PTPN13: variants seen among roughly 807,000 people sequenced by gnomAD.
The protein encoded by PTPN13 is tyrosine-protein phosphatase non-receptor type 13.
Under a neutral mutation model 284.0 loss-of-function variants are expected in PTPN13, and 191 were observed. The observed-to-expected ratio is 0.67, with a 90% CI of 0.60 to 0.76. The LOEUF is 0.76. Ranked by LOEUF, PTPN13 falls within the 30% of genes least tolerant of loss-of-function variation. The probability of loss-of-function intolerance (pLI) is 0.00; values close to 1 mark genes in which losing one functional copy is unlikely to be tolerated. For synonymous variants in PTPN13, 986 were observed against 1,022.3 expected (o/e 0.96, Z 0.68); for missense variants, 2,797 against 2,939.9 (o/e 0.95, Z 1.12).
intron 2 of PTPN13, among the ~76,000 whole-genome samples, chr4:86,641,420 G>C (rs974205815): frequency 1.3e-5 from 2 of 152,112 alleles, no homozygotes; most frequent in African/African-American, 2.4e-5. Flanking sequence ...TCCTATAAGA[G>C]GGGGCTGGAA....
chr4:86,677,273 C>A (rs1432013737), intron 3 of PTPN13, among the ~76,000 whole-genome samples: 1 of 151,076 alleles, frequency 6.6e-6, no homozygotes, highest in Non-Finnish European at 1.5e-5. Flanking sequence ...TCTCAAAAAA[C>A]AACAACAACA....
intron 42 of PTPN13, among the ~76,000 whole-genome samples, chr4:86,802,934 C>G (rs574125658): frequency 6.6e-6 from 1 of 151,682 alleles, no homozygotes; most frequent in Admixed American, 6.6e-5. Flanking sequence ...ATTACCCAGG[C>G]GTGGTGGTGC....
intron 1 of PTPN13, chr4:86,595,811 T>G (rs141924809): frequency 3.1e-6 from 3 of 954,658 alleles, no homozygotes; most frequent in Non-Finnish European, 3.7e-6. Context: ...ATTTTAAGAT[T>G]TTAAAATTTA....
intron 16 of PTPN13, among the ~76,000 whole-genome samples, chr4:86,742,742 C>G (rs1270054454): frequency 1.3e-5 from 2 of 152,336 alleles, no homozygotes; most frequent in Non-Finnish European, 1.5e-5. Flanking sequence ...CTGGGTTTAA[C>G]TTACCTTCCC....
intron 2 of PTPN13, among the ~76,000 whole-genome samples, chr4:86,665,157 A>G (rs1484234952): frequency 6.6e-6 from 1 of 152,208 alleles, no homozygotes; most frequent in Admixed American, 6.5e-5. Flanking sequence ...CTAATTGATC[A>G]GTAGCCATAC....
chr4:86,749,564 TTTG>T (rs2149202603), intron 17 of PTPN13, among the ~76,000 whole-genome samples: 1 of 152,350 alleles, frequency 6.6e-6, no homozygotes, highest in East Asian at 1.9e-4. Context: ...CTGCATTGCT[TTTG>T]TTATTAGCCT....
intron 7 of PTPN13, among the ~76,000 whole-genome samples, chr4:86,714,996 A>C (rs1006971523): frequency 6.6e-6 from 1 of 152,138 alleles, no homozygotes; most frequent in Admixed American, 6.5e-5. Context: ...GGCTTCCTTT[A>C]AAGGTTAAGG....
chr4:86,668,145 A>G (rs1453318071), intron 2 of PTPN13, among the ~76,000 whole-genome samples: 1 of 152,180 alleles, frequency 6.6e-6, no homozygotes, highest in Non-Finnish European at 1.5e-5. Flanking sequence ...TAATCATTAG[A>G]CTACTGGAAT....
Position 86,686,776 on chromosome 4 carries a change from G to A in PTPN13, c.360+1G>A. ...TGATTATGAAGTGCCTCAGAGCCAA[G>A]TAAGTTAAGTTTTTACAGTTGTTAT... is the stretch of plus-strand genomic sequence containing the variant. On this transcript the variant is annotated splice_donor_variant, in intron 4 of 47. Coordinates refer to ENST00000411767, the MANE Select transcript of PTPN13 (RefSeq NM_080683.3). LOFTEE classifies it high-confidence loss of function. 6.4e-7 allele frequency: 1 copy of A among 1,560,546 alleles called. No individual in the cohort carries two copies. Among genetic ancestry groups the A allele is most frequent in the Non-Finnish European group, 8.7e-7 (1 of 1,148,104 alleles).
intron 1 of PTPN13, among the ~76,000 whole-genome samples, chr4:86,606,857 A>G (rs1394711590): frequency 6.6e-6 from 1 of 151,916 alleles, no homozygotes; most frequent in Admixed American, 6.6e-5. Context: ...TAGCCATATC[A>G]TCTGAAGGAT....
chr4:86,758,763 C>A lies in PTPN13; in HGVS notation c.3399C>A (p.Asp1133Glu), dbSNP rs1179423529. Residue 1133 changes from aspartate (D) to glutamate (E), a missense_variant, in exon 22 of 48, where the codon GAC becomes GAA. By Grantham distance (45) the Asp-to-Glu change is conservative. Transcript: ENST00000411767. The stretch of plus-strand genomic sequence containing the variant: ...CAGTTGCCCCTGGAGGACCAGCTGA[C>A]TTGGATGGATGCTTGAAGCCAGGTA... Reference protein sequence around the residue: ...ISSVAPGGPADLDGCLKPGDR... With the variant: ...ISSVAPGGPAELDGCLKPGDR... 1 of 1,613,648 alleles carries A rather than the reference C, an allele frequency of 6.2e-7. No homozygotes were observed. Among genetic ancestry groups the A allele is most frequent in the Non-Finnish European group, 8.5e-7 (1 of 1,179,676 alleles).
At chr4:86,635,498 A>AAG in intron 2 of PTPN13, 127 bp downstream of exon 2, 1 of 1,367,380 alleles carries the variant, frequency 7.3e-7, no homozygotes, top group Non-Finnish European at 9.7e-7. Context: ...TATGAAAGGA[A>AAG]TACTTTCCTT....
At chr4:86,738,936 C>T (rs1253818639) in intron 15 of PTPN13, among the ~76,000 whole-genome samples, 1 of 152,186 alleles carries the variant, frequency 6.6e-6, no homozygotes, top group Non-Finnish European at 1.5e-5. Flanking sequence ...CTGCCTTGGC[C>T]TCCCAAAGTG....
At chr4:86,802,604 T>C (rs1744160930) in intron 42 of PTPN13, among the ~76,000 whole-genome samples, 1 of 152,228 alleles carries the variant, frequency 6.6e-6, no homozygotes, top group Non-Finnish European at 1.5e-5. Flanking sequence ...GTGCTAGGGC[T>C]GACTTTCCTG....
Position 86,786,505 on chromosome 4 carries a change from A to T in PTPN13, c.6345+569A>T, listed in dbSNP as rs78761160. On this transcript the variant is annotated intron_variant, in intron 40 of 47. Transcript: ENST00000411767. ...TTAAATATTTACAAATAATGTGTATATATACAAGGAAGCTTACGGCTGATA... is the reference window on the plus strand; with the variant it reads ...TTAAATATTTACAAATAATGTGTATTTATACAAGGAAGCTTACGGCTGATA... Among the ~76,000 whole-genome samples, 446 of 152,320 alleles carry T rather than the reference A, an allele frequency of 2.9e-3. 5 individuals are homozygous for T. In the South Asian group the frequency reaches 0.031, roughly 11 times the overall value.
chr4:86,686,087 C>T (rs927351367), intron 3 of PTPN13, among the ~76,000 whole-genome samples: 4 of 151,846 alleles, frequency 2.6e-5, no homozygotes, highest in Non-Finnish European at 4.4e-5. Flanking sequence ...GCCTGCCAGG[C>T]GCAGTGGGTC....
intron 1 of PTPN13, among the ~76,000 whole-genome samples, chr4:86,618,353 G>A (rs1276065490): frequency 1.3e-5 from 2 of 152,184 alleles, no homozygotes; most frequent in Non-Finnish European, 2.9e-5. Flanking sequence ...TTTGAAGTCA[G>A]GTAGCGTGAT....
At chr4:86,621,051 C>G (rs1321195916) in intron 1 of PTPN13, among the ~76,000 whole-genome samples, 1 of 152,146 alleles carries the variant, frequency 6.6e-6, no homozygotes, top group African/African-American at 2.4e-5. Flanking sequence ...TGTAGGACAC[C>G]TGTTACCTCT....
At chr4:86,699,673 G>A (rs545534694) in intron 6 of PTPN13, among the ~76,000 whole-genome samples, 2 of 152,300 alleles carry the variant, frequency 1.3e-5, no homozygotes, top group African/African-American at 4.8e-5. Flanking sequence ...TTAACTGCTT[G>A]TTTGGTAGTC....
Sources: allele counts gnomAD v4.1 joint callset (sites outside exome capture counted in the v4.1 genomes callset), GRCh38; gene constraint gnomAD v4.1.1; transcripts MANE v1.5; gene names NCBI Gene and HGNC (gene_info 2026-07-23, HGNC 2026-07-21).